The following SLIT2 variants were observed in gnomAD, a reference collection of about 807,000 sequenced individuals.
SLIT2 encodes the protein slit guidance ligand 2, also known as slit homolog 2 protein.
Under a neutral mutation model 185.7 loss-of-function variants are expected in SLIT2, and 41 were observed. The observed-to-expected ratio is 0.22, with a 90% CI of 0.17 to 0.29. The LOEUF (loss-of-function observed/expected upper bound fraction) is 0.29. SLIT2 is among the 10% of genes least tolerant of loss of function. The pLI, the probability that SLIT2 is intolerant of heterozygous loss-of-function variation, is 1.00. For synonymous variants in SLIT2, 693 were observed against 680.2 expected (o/e 1.02, Z -0.29); for missense variants, 1,571 against 1,909.0 (o/e 0.82, Z 3.30).
chr4:20,540,791 A>C (rs1225098937), intron 19 of SLIT2, among the ~76,000 whole-genome samples: 1 of 152,246 alleles, frequency 6.6e-6, no homozygotes, highest in Admixed American at 6.5e-5. Flanking sequence ...GTGACATTTT[A>C]CATCGAGTGG....
chr4:20,527,432 G>A (rs1020013467), intron 15 of SLIT2, among the ~76,000 whole-genome samples: 5 of 151,994 alleles, frequency 3.3e-5, no homozygotes, highest in East Asian at 1.9e-4. Context: ...GACTACAGGC[G>A]CCCGCAACCA....
At chr4:20,444,854 C>T (rs1711587963) in intron 4 of SLIT2, among the ~76,000 whole-genome samples, 2 of 152,188 alleles carry the variant, frequency 1.3e-5, no homozygotes, top group Non-Finnish European at 2.9e-5. Flanking sequence ...TTCTCAAATA[C>T]TTCAGGGCTA....
intron 4 of SLIT2, among the ~76,000 whole-genome samples, chr4:20,356,983 CTT>C (rs919278256): frequency 6.6e-6 from 1 of 151,994 alleles, no homozygotes; most frequent in African/African-American, 2.4e-5. Flanking sequence ...AAAACAAAAA[CTT>C]TGAAAAAAAT....
chr4:20,538,196 G>A (rs573843560), intron 18 of SLIT2, among the ~76,000 whole-genome samples: 2 of 152,218 alleles, frequency 1.3e-5, no homozygotes, highest in African/African-American at 4.8e-5. Flanking sequence ...TCCTGACCTC[G>A]TGATCCGCCC....
chr4:20,597,003 A>T (rs1199918227), intron 32 of SLIT2, among the ~76,000 whole-genome samples: 4 of 151,500 alleles, frequency 2.6e-5, no homozygotes, highest in African/African-American at 9.7e-5. Context: ...ATCTGCAGCT[A>T]GGAAGGGTGC....
Position 20,486,332 on chromosome 4 carries a change from C to T in SLIT2, c.611+61C>T, listed in dbSNP as rs1021893648. The T allele has an allele frequency of 9.2e-6, 9 of 982,422 alleles. No homozygotes were observed. The South Asian group carries it at 9.3e-5, about 10-fold the overall frequency. 60.9% of individuals were successfully genotyped at this position (982,422 alleles called of 1,614,324 possible). On this transcript the variant is annotated intron_variant, in intron 7 of 36. Transcript: ENST00000504154. ...TCAATTAAAGCTTCCCCTTAAATAGCATGTTCAGTAAGCAAAGGACAGGAC... is the reference window on the plus strand; with the variant it reads ...TCAATTAAAGCTTCCCCTTAAATAGTATGTTCAGTAAGCAAAGGACAGGAC...
chr4:20,474,448 G>A (rs1437314511), intron 5 of SLIT2, among the ~76,000 whole-genome samples: 1 of 151,992 alleles, frequency 6.6e-6, no homozygotes, highest in Non-Finnish European at 1.5e-5. Context: ...TCTTCAGAGT[G>A]CTTTCAGCAG....
chr4:20,463,793 G>A (rs1048810990), intron 4 of SLIT2, among the ~76,000 whole-genome samples: 26 of 149,832 alleles, frequency 1.7e-4, no homozygotes, highest in African/African-American at 2.5e-4. Context: ...GGAGAATGTC[G>A]TGAACCCAGG....
At chr4:20,473,196 TAAATA>T (rs1168528988) in intron 5 of SLIT2, among the ~76,000 whole-genome samples, 14 of 141,364 alleles carry the variant, frequency 9.9e-5, no homozygotes. Context: ...TCTTCATAAA[TAAATA>T]TATATTTTTC....
In SLIT2 at chr4:20,598,217, G is replaced by A. The variant is rs765605770; in HGVS notation, c.3562-48G>A. The A allele has an allele frequency of 5.2e-5, 83 of 1,589,288 alleles. 1 individual carries two copies. Among genetic ancestry groups the A allele is most frequent in the African/African-American group, 1.3e-4 (10 of 74,328 alleles). On this transcript the variant is annotated intron_variant, in intron 32 of 36. Coordinates refer to ENST00000504154, the MANE Select transcript of SLIT2 (RefSeq NM_004787.4). ...TAGCAGTCTCTTTCTGATCAAATAC[G>A]TTTGGTTGCGTACACATCCTAGTAA...
intron 4 of SLIT2, among the ~76,000 whole-genome samples, chr4:20,282,066 T>A (rs1714829796): frequency 6.6e-6 from 1 of 152,196 alleles, no homozygotes; most frequent in African/African-American, 2.4e-5. Context: ...ATGGGAAACT[T>A]CATCAAAATC....
intron 4 of SLIT2, among the ~76,000 whole-genome samples, chr4:20,301,506 T>A (rs1373345834): frequency 6.6e-6 from 1 of 152,162 alleles, no homozygotes; most frequent in Non-Finnish European, 1.5e-5. Context: ...AACTCTATTG[T>A]ACCTGCCACT....
chr4:20,255,915 A>G (rs985223394), intron 1 of SLIT2, among the ~76,000 whole-genome samples: 3 of 152,212 alleles, frequency 2.0e-5, no homozygotes, highest in Non-Finnish European at 4.4e-5. Flanking sequence ...ACTTGAAGTG[A>G]TTGGAACCAG....
chr4:20,444,243 C>G lies in SLIT2; in HGVS notation c.396-23509C>G, dbSNP rs537984314. On this transcript the variant is annotated intron_variant, in intron 4 of 36. Coordinates refer to ENST00000504154, the MANE Select transcript of SLIT2 (RefSeq NM_004787.4). ...GAATGATAAAATGAAGCATTGCCAC[C>G]AATTGCCATTGTGGCAAATGGAAAC... is the stretch of plus-strand genomic sequence containing the variant. Among the ~76,000 whole-genome samples the G allele has an allele frequency of 1.8e-3, 269 of 152,224 alleles. 5 individuals carry two copies. The South Asian group carries it at 0.054, about 30-fold the overall frequency.
At chr4:20,614,574 T>C (rs1197125425) in intron 34 of SLIT2, among the ~76,000 whole-genome samples, 1 of 151,884 alleles carries the variant, frequency 6.6e-6, no homozygotes, top group East Asian at 1.9e-4. Context: ...GGTCGGGAGT[T>C]GGAGACCAGC....
intron 4 of SLIT2, among the ~76,000 whole-genome samples, chr4:20,372,810 T>C (rs1042498125): frequency 5.1e-4 from 78 of 152,072 alleles, no homozygotes; most frequent in African/African-American, 1.8e-3. Context: ...TATTTGTCTC[T>C]AGGGCTTGAA....
intron 32 of SLIT2, 96 bp from the exon 33 acceptor site, chr4:20,598,169 T>A: frequency 8.7e-7 from 1 of 1,154,160 alleles, no homozygotes. Flanking sequence ...ACATAAACCA[T>A]AGTAAAACCT....
chr4:20,592,725 C>T (rs562232506), intron 30 of SLIT2, among the ~76,000 whole-genome samples: 1 of 152,160 alleles, frequency 6.6e-6, no homozygotes, highest in South Asian at 2.1e-4. Flanking sequence ...GCTCTGCTCA[C>T]ATTAACATTG....
chr4:20,517,855 G>C lies in SLIT2; in HGVS notation c.1059-1527G>C, dbSNP rs1050481537. 4.6e-5 allele frequency among the ~76,000 whole-genome samples: 7 copies of C among 151,842 alleles called. No homozygotes were observed. The East Asian group carries it at 1.4e-3, about 29-fold the overall frequency. ...AAGAGATTATATACTGCTGCCAAAC[G>C]TATCAATTATTTAGATTCACATTTC... On this transcript the variant is annotated intron_variant, in intron 11 of 36. Transcript: ENST00000504154.
Sources: allele counts gnomAD v4.1 joint callset (sites outside exome capture counted in the v4.1 genomes callset), GRCh38; gene constraint gnomAD v4.1.1; transcripts MANE v1.5; gene names NCBI Gene and HGNC (gene_info 2026-07-23, HGNC 2026-07-21).